Variants in BCKDHB observed in about 807,000 individuals in gnomAD.
The protein encoded by BCKDHB is branched chain keto acid dehydrogenase E1 subunit beta.
BCKDHB carries 41 observed loss-of-function variants against 48.5 expected under a neutral mutation model. That is an observed-to-expected ratio of 0.85 (90% confidence interval 0.66 to 1.10). The LOEUF (loss-of-function observed/expected upper bound fraction) is 1.10, where lower values mean the gene tolerates loss of function less well. Among genes scored for constraint, BCKDHB ranks in the 50% least tolerant of loss-of-function variants. The probability of loss-of-function intolerance (pLI) is 0.00; values close to 1 mark genes in which losing one functional copy is unlikely to be tolerated. For synonymous variants in BCKDHB, 201 were observed against 174.8 expected, an observed-to-expected ratio of 1.15 and a Z score of -1.18; for missense variants, 496 against 494.2, an observed-to-expected ratio of 1.00 and a Z score of -0.03.
At chr6:80,424,190 T>C in the BCKDHB span, among the ~76,000 whole-genome samples, 1 of 152,184 alleles carries the variant, frequency 6.6e-6, no homozygotes, top group Non-Finnish European at 1.5e-5. Context: ...TTTATTTTTG[T>C]TTTCAGAAGC....
chr6:80,201,608 CTCA>C (rs1327560108), intron 7 of BCKDHB, among the ~76,000 whole-genome samples: 1 of 152,152 alleles, frequency 6.6e-6, no homozygotes, highest in Non-Finnish European at 1.5e-5. Context: ...CCTGCCATCT[CTCA>C]TCATTACTTT....
intron 3 of BCKDHB, among the ~76,000 whole-genome samples, chr6:80,156,047 A>G (rs1410865992): frequency 6.6e-6 from 1 of 151,908 alleles, no homozygotes; most frequent in Non-Finnish European, 1.5e-5. Context: ...AGTGGAGTCA[A>G]TTATTTTATT....
At chr6:80,144,611 G>A (rs985346067) in intron 3 of BCKDHB, among the ~76,000 whole-genome samples, 2 of 152,070 alleles carry the variant, frequency 1.3e-5, no homozygotes, top group African/African-American at 4.8e-5. Context: ...CAGAATTTGA[G>A]CCAAATAGTC....
the BCKDHB span, among the ~76,000 whole-genome samples, chr6:80,418,346 G>A: frequency 6.6e-6 from 1 of 152,190 alleles, no homozygotes; most frequent in Non-Finnish European, 1.5e-5. Context: ...GCAGTTGTTT[G>A]GAGGTAAGAA....
At chr6:80,191,920 G>A (rs1166121958) in intron 6 of BCKDHB, among the ~76,000 whole-genome samples, 2 of 152,240 alleles carry the variant, frequency 1.3e-5, no homozygotes, top group Admixed American at 6.5e-5. Context: ...ATTTAAAAAA[G>A]TGCTGCATCA....
the BCKDHB span, among the ~76,000 whole-genome samples, chr6:80,390,646 G>A: frequency 1.3e-5 from 2 of 152,082 alleles, no homozygotes; most frequent in African/African-American, 4.8e-5. Flanking sequence ...CCGGTTGTAC[G>A]GAGGATAGTG....
At chr6:80,185,201 T>C (rs1773586023) in intron 6 of BCKDHB, among the ~76,000 whole-genome samples, 2 of 152,240 alleles carry the variant, frequency 1.3e-5, no homozygotes, top group Middle Eastern at 3.4e-3. Context: ...CTTGTTATAG[T>C]CTATTGTTGA....
chr6:80,143,215 A>G (rs1360641018), intron 3 of BCKDHB, among the ~76,000 whole-genome samples: 2 of 152,118 alleles, frequency 1.3e-5, no homozygotes, highest in Non-Finnish European at 2.9e-5. Context: ...CTGTATGGCA[A>G]CTTCACGTTG....
intron 9 of BCKDHB, among the ~76,000 whole-genome samples, chr6:80,295,807 G>A (rs1309530353): frequency 2.0e-5 from 3 of 150,698 alleles, no homozygotes; most frequent in African/African-American, 4.9e-5. Context: ...TCACTATCAT[G>A]TGAATGGTCC....
chr6:80,195,792 G>A (rs59552964), intron 6 of BCKDHB, among the ~76,000 whole-genome samples: 7 of 152,022 alleles, frequency 4.6e-5, no homozygotes, highest in Admixed American at 1.3e-4. Flanking sequence ...GTAGATTTAC[G>A]CCCCTCCTAC....
rs748713068 is a variant in BCKDHB at position 80,134,878 on chromosome 6, AGTAGCTG to A, written c.343+5651_343+5657del. Among the ~76,000 whole-genome samples, 337 of 152,024 alleles carry A rather than the reference AGTAGCTG, an allele frequency of 2.2e-3. 1 individual carries two copies. The highest frequency in any genetic ancestry group is 3.8e-3 in the Non-Finnish European group (259 of 67,990). On this transcript the variant is annotated intron_variant, in intron 3 of 9. Transcript: ENST00000320393. The stretch of plus-strand genomic sequence containing the variant: ...AGTGATTCTTGTGCCTCAGCCTCTG[AGTAGCTG>A]GGATAATAGGCATACACCACTATGC...
intron 1 of BCKDHB, among the ~76,000 whole-genome samples, chr6:80,112,714 A>G (rs1769474994): frequency 1.3e-5 from 2 of 152,196 alleles, no homozygotes; most frequent in Admixed American, 1.3e-4. Context: ...ACCTCTGCCG[A>G]GGGCGTCCCC....
At chr6:80,137,364 G>A (rs1485349183) in intron 3 of BCKDHB, among the ~76,000 whole-genome samples, 1 of 152,060 alleles carries the variant, frequency 6.6e-6, no homozygotes, top group Non-Finnish European at 1.5e-5. Context: ...GAATTTCTCA[G>A]CCTGTCAGCA....
intron 3 of BCKDHB, among the ~76,000 whole-genome samples, chr6:80,165,131 T>C (rs1772508017): frequency 6.6e-6 from 1 of 152,168 alleles, no homozygotes; most frequent in Non-Finnish European, 1.5e-5. Flanking sequence ...TCCCATGAAC[T>C]AGCAAGGAAT....
the BCKDHB span, chr6:80,374,679 C>G: frequency 2.5e-6 from 1 of 400,138 alleles, no homozygotes. Context: ...AGGTACTATT[C>G]TATTCACCAT....
At chr6:80,121,469 A>G (rs958678600) in intron 1 of BCKDHB, among the ~76,000 whole-genome samples, 2 of 152,180 alleles carry the variant, frequency 1.3e-5, no homozygotes, top group Admixed American at 1.3e-4. Context: ...GGCCATTTTC[A>G]CAAACAGATT....
chr6:80,113,904 A>G (rs1004435072), intron 1 of BCKDHB, among the ~76,000 whole-genome samples: 4 of 152,208 alleles, frequency 2.6e-5, no homozygotes, highest in Non-Finnish European at 5.9e-5. Flanking sequence ...CTAATTGGTC[A>G]TAGAAAGCAA....
At chr6:80,313,470 C>G (rs1223899747) in intron 9 of BCKDHB, among the ~76,000 whole-genome samples, 1 of 152,150 alleles carries the variant, frequency 6.6e-6, no homozygotes, top group Non-Finnish European at 1.5e-5. Flanking sequence ...AAGCGATTCT[C>G]CTGCCTCAGC....
chr6:80,342,721 C>T lies in BCKDHB; in HGVS notation c.1039-943C>T, dbSNP rs78417435. On this transcript the variant is annotated intron_variant, in intron 9 of 9. Transcript: ENST00000320393. ...GTGGGATTGCTTGAGTCTGGAAGATCGAGGTTGCAGTGAGCCGTGTTTGCA... is the reference window on the plus strand; with the variant it reads ...GTGGGATTGCTTGAGTCTGGAAGATTGAGGTTGCAGTGAGCCGTGTTTGCA... Among the ~76,000 whole-genome samples, 1,091 of 152,084 alleles carry T rather than the reference C, an allele frequency of 7.2e-3. 8 individuals are homozygous for T. Among genetic ancestry groups the T allele is most frequent in the Non-Finnish European group, 0.011 (777 of 67,952 alleles).
Sources: allele counts gnomAD v4.1 joint callset (sites outside exome capture counted in the v4.1 genomes callset), GRCh38; gene constraint gnomAD v4.1.1; transcripts MANE v1.5; gene names NCBI Gene and HGNC (gene_info 2026-07-23, HGNC 2026-07-21).